The following EYS variants were observed in gnomAD, a reference collection of about 807,000 sequenced individuals.
EYS encodes the protein protein eyes shut homolog.
In EYS, 250 loss-of-function variants were observed where a neutral mutation model predicts 282.1. The observed-to-expected ratio is 0.89, with a 90% CI of 0.80 to 0.98. The LOEUF is 0.98. EYS is among the 50% of genes least tolerant of loss of function. The pLI is 0.00. For synonymous variants in EYS, 1,355 were observed against 1,282.9 expected (o/e 1.06, Z -1.20); for missense variants, 4,016 against 3,709.0 (o/e 1.08, Z -2.15).
chr6:65,246,950 A>G (rs1466128967), intron 12 of EYS, among the ~76,000 whole-genome samples: 1 of 152,150 alleles, frequency 6.6e-6, no homozygotes, highest in African/African-American at 2.4e-5. Flanking sequence ...TCAGAAATGA[A>G]GAGAATAAAA....
At chr6:65,386,166 C>T (rs1357884650) in intron 7 of EYS, among the ~76,000 whole-genome samples, 4 of 147,160 alleles carry the variant, frequency 2.7e-5, no homozygotes, top group Admixed American at 1.4e-4. Flanking sequence ...CTAAACAGAG[C>T]AGGTTTTATT....
At chr6:65,350,600 T>G (rs1434842105) in intron 9 of EYS, among the ~76,000 whole-genome samples, 7 of 151,690 alleles carry the variant, frequency 4.6e-5, no homozygotes. Flanking sequence ...TTTTCTTTTT[T>G]TGTCTAGGAT....
chr6:64,794,174 T>C (rs1052291714), intron 22 of EYS, among the ~76,000 whole-genome samples: 2 of 152,172 alleles, frequency 1.3e-5, no homozygotes, highest in African/African-American at 4.8e-5. Context: ...ATGGCAGCTA[T>C]CCCACTTCAG....
At chr6:64,963,366 C>T (rs1769987287) in intron 14 of EYS, among the ~76,000 whole-genome samples, 1 of 152,122 alleles carries the variant, frequency 6.6e-6, no homozygotes, top group Non-Finnish European at 1.5e-5. Flanking sequence ...TAGTCATTAG[C>T]CATAGGAATG....
At chr6:63,969,701 C>T (rs1298531369) in intron 35 of EYS, among the ~76,000 whole-genome samples, 2 of 152,116 alleles carry the variant, frequency 1.3e-5, no homozygotes, top group African/African-American at 4.8e-5. Context: ...CTGGACACAT[C>T]AATCAGTGCA....
At chr6:64,487,352 C>A (rs1776606397) in intron 26 of EYS, among the ~76,000 whole-genome samples, 1 of 150,748 alleles carries the variant, frequency 6.6e-6, no homozygotes, top group Non-Finnish European at 1.5e-5. Flanking sequence ...GAGAAAGAAA[C>A]AAAAAACAGC....
At chr6:64,060,244 A>AT (rs1301120645) in intron 33 of EYS, among the ~76,000 whole-genome samples, 2 of 152,156 alleles carry the variant, frequency 1.3e-5, no homozygotes, top group South Asian at 2.1e-4. Flanking sequence ...CATAGGTAAC[A>AT]TTTTTAATTA....
At chr6:64,778,745 C>T (rs1773761662) in intron 22 of EYS, among the ~76,000 whole-genome samples, 1 of 152,146 alleles carries the variant, frequency 6.6e-6, no homozygotes, top group Non-Finnish European at 1.5e-5. Context: ...ATAAATGTTT[C>T]ACCAAATAAG....
chr6:63,835,557 AC>A (rs1771783787), intron 36 of EYS, among the ~76,000 whole-genome samples: 4 of 152,092 alleles, frequency 2.6e-5, no homozygotes, highest in African/African-American at 9.6e-5. Flanking sequence ...TAAGAATGAT[AC>A]AATGGACTTT....
At chr6:64,541,242 T>C (rs114671027) in intron 26 of EYS, among the ~76,000 whole-genome samples, 1 of 152,188 alleles carries the variant, frequency 6.6e-6, no homozygotes, top group Non-Finnish European at 1.5e-5. Context: ...TACTAAGTTA[T>C]CTTTATAGTT....
chr6:64,091,802 C>A (rs1351275082), intron 31 of EYS, among the ~76,000 whole-genome samples: 1 of 151,972 alleles, frequency 6.6e-6, no homozygotes, highest in Non-Finnish European at 1.5e-5. Flanking sequence ...GCAAAACGTG[C>A]AGGTTTGTTA....
intron 22 of EYS, among the ~76,000 whole-genome samples, chr6:64,710,710 C>A (rs751815990): frequency 1.3e-5 from 2 of 152,232 alleles, no homozygotes; most frequent in African/African-American, 2.4e-5. Flanking sequence ...AACAAAAAGA[C>A]ACTGCGTAAC....
intron 22 of EYS, among the ~76,000 whole-genome samples, chr6:64,717,025 C>A (rs561014699): frequency 6.6e-6 from 1 of 152,080 alleles, no homozygotes; most frequent in Non-Finnish European, 1.5e-5. Context: ...TTGGCTCTTC[C>A]CCCTTTTCAA....
At position 65,005,224 on chromosome 6, in the gene EYS, G is replaced by A. The variant is rs537535498; in HGVS notation, c.2138-7521C>T. Among the ~76,000 whole-genome samples the A allele has an allele frequency of 6.8e-5, 10 of 148,078 alleles. 1 individual carries two copies. Among genetic ancestry groups the A allele is most frequent in the Non-Finnish European group, 1.4e-4 (9 of 66,040 alleles). On this transcript the variant is annotated intron_variant, in intron 13 of 42. Coordinates refer to ENST00000503581, the MANE Select transcript of EYS (RefSeq NM_001142800.2). ...CAGCGAGGCGCCCATTGCCACTCCC[G>A]ATCGGGCTAAAGGCTTGCCATTGTT...
At chr6:64,675,231 A>G (rs1249573780) in intron 22 of EYS, among the ~76,000 whole-genome samples, 1 of 151,896 alleles carries the variant, frequency 6.6e-6, no homozygotes. Flanking sequence ...TCCCCACCTT[A>G]CACTCCTACA....
At chr6:65,306,118 G>T (rs1159433213) in intron 11 of EYS, among the ~76,000 whole-genome samples, 10 of 152,178 alleles carry the variant, frequency 6.6e-5, no homozygotes, top group Non-Finnish European at 1.2e-4. Flanking sequence ...TATATAATCA[G>T]GAGGAAGAGG....
At chr6:64,661,699 G>A (rs1418563245) in intron 22 of EYS, among the ~76,000 whole-genome samples, 1 of 142,832 alleles carries the variant, frequency 7.0e-6, no homozygotes, top group African/African-American at 2.7e-5. Flanking sequence ...TCTCACACCA[G>A]TTAGAATGGT....
intron 21 of EYS, among the ~76,000 whole-genome samples, chr6:64,815,418 TC>T (rs1273673132): frequency 6.6e-6 from 1 of 152,024 alleles, no homozygotes; most frequent in African/African-American, 2.4e-5. Context: ...GAATTGTATC[TC>T]CCATGGGAAA....
chr6:65,248,048 TA>T (rs1459032909), intron 12 of EYS, among the ~76,000 whole-genome samples: 2 of 152,004 alleles, frequency 1.3e-5, no homozygotes, highest in Admixed American at 1.3e-4. Flanking sequence ...AAAGATTATT[TA>T]AAAGAAAGAA....
Sources: gnomAD v4.1 joint callset for allele counts (sites outside exome capture counted in the v4.1 genomes callset) on GRCh38, gnomAD v4.1.1 for gene constraint, MANE v1.5 for transcripts, NCBI Gene and HGNC (gene_info 2026-07-23, HGNC 2026-07-21) for gene names.